ALG6: variants seen among roughly 807,000 people sequenced by gnomAD.
ALG6 encodes ALG6 alpha-1,3-glucosyltransferase.
In ALG6, 46 loss-of-function variants were observed where a neutral mutation model predicts 66.6. The ratio of observed to expected loss-of-function variants is 0.69; its 90% confidence interval spans 0.55 to 0.88. The LOEUF (loss-of-function observed/expected upper bound fraction) is 0.88, where lower values mean the gene tolerates loss of function less well. ALG6 is among the 40% of genes least tolerant of loss of function. The pLI, the probability that ALG6 is intolerant of heterozygous loss-of-function variation, is 0.00. For synonymous variants in ALG6, 185 were observed against 203.7 expected (o/e 0.91, Z 0.78); for missense variants, 505 against 586.8 (o/e 0.86, Z 1.44).
intron 2 of ALG6, among the ~76,000 whole-genome samples, chr1:63,379,768 A>G (rs1181309706): frequency 2.0e-5 from 3 of 149,264 alleles, no homozygotes; most frequent in East Asian, 3.9e-4. Context: ...TAAATCATAC[A>G]TTATATATAA....
At chr1:63,396,971 A>G (rs1325054559) in intron 3 of ALG6, among the ~76,000 whole-genome samples, 2 of 152,164 alleles carry the variant, frequency 1.3e-5, no homozygotes. Context: ...AGATAAAAAT[A>G]AAAGAGAGCT....
intron 3 of ALG6, among the ~76,000 whole-genome samples, chr1:63,398,559 G>A (rs1222025105): frequency 6.6e-6 from 1 of 152,004 alleles, no homozygotes; most frequent in Non-Finnish European, 1.5e-5. Flanking sequence ...TGCAAGCTCC[G>A]CCTCCCAGGT....
intron 4 of ALG6, 115 bp downstream of exon 4, chr1:63,402,458 G>GTA (rs1644469565): frequency 2.9e-6 from 1 of 340,010 alleles, no homozygotes; most frequent in East Asian, 5.9e-5. Flanking sequence ...AGCTGCTATT[G>GTA]TATTTTTTTT....
intron 2 of ALG6, among the ~76,000 whole-genome samples, chr1:63,388,895 A>C (rs966788325): frequency 6.6e-6 from 1 of 151,934 alleles, no homozygotes; most frequent in African/African-American, 2.4e-5. Context: ...ATGTTGTGCC[A>C]TTCTCTTCTG....
rs1322449145 is a variant in ALG6, at chr1:63,422,424, T to A, written c.1058+2984T>A. ...ATCTATATAAATATAAATATATATA[T>A]AAATATAAATATATATATAAATATA... On this transcript the variant is annotated intron_variant, in intron 12 of 14. Transcript: ENST00000263440. Among the ~76,000 whole-genome samples the A allele has an allele frequency of 2.8e-4, 10 of 35,294 alleles. 1 individual carries two copies. The highest frequency in any genetic ancestry group is 2.0e-4 in the African/African-American group (1 of 4,914). 23.2% of individuals were successfully genotyped at this position (35,294 alleles called of 152,430 possible). A position where few individuals can be genotyped will look rare whatever the true frequency, so the allele number is the denominator to read the frequency against.
chr1:63,404,227 T>C (rs1644479564), intron 4 of ALG6, among the ~76,000 whole-genome samples: 1 of 152,238 alleles, frequency 6.6e-6, no homozygotes, highest in African/African-American at 2.4e-5. Context: ...CTTGTAGTTA[T>C]ACCTTACATA....
intron 2 of ALG6, among the ~76,000 whole-genome samples, chr1:63,376,462 A>T (rs1355955762): frequency 6.6e-6 from 1 of 152,106 alleles, no homozygotes; most frequent in Non-Finnish European, 1.5e-5. Context: ...ACTAAATTGG[A>T]TGCTTTAGCT....
intron 4 of ALG6, among the ~76,000 whole-genome samples, chr1:63,403,034 G>T (rs545782102): frequency 2.2e-5 from 3 of 135,420 alleles, no homozygotes; most frequent in Non-Finnish European, 3.0e-5. Flanking sequence ...GGTGGAGGTT[G>T]CAGTGAGCCG....
chr1:63,422,255 T>TTATATAGATATAAATATA (rs1644584624), intron 12 of ALG6, among the ~76,000 whole-genome samples: 2 of 60,922 alleles, frequency 3.3e-5, no homozygotes, highest in South Asian at 9.9e-4. Flanking sequence ...ATATATATAT[T>TTATATAGATATAAATATA]TATATAGATA....
intron 2 of ALG6, among the ~76,000 whole-genome samples, chr1:63,389,400 A>AT (rs1318563940): frequency 2.6e-5 from 4 of 152,104 alleles, no homozygotes; most frequent in Admixed American, 2.6e-4. Context: ...TGTCAATTGA[A>AT]TTTTTTAGCA....
chr1:63,428,839 T>A, intron 13 of ALG6, 38 bp downstream of exon 13: 3 of 1,584,620 alleles, frequency 1.9e-6, no homozygotes, highest in Non-Finnish European at 2.6e-6. Context: ...TCAGTATAAT[T>A]CTTGTAAACT....
At chr1:63,397,985 A>G (rs1046166591) in intron 3 of ALG6, among the ~76,000 whole-genome samples, 3 of 152,240 alleles carry the variant, frequency 2.0e-5, no homozygotes, top group African/African-American at 7.2e-5. Flanking sequence ...ATAGCATCAT[A>G]GAAATTCATG....
In ALG6 at chr1:63,428,505, G is replaced by A. The variant is rs1644628904; in HGVS notation, c.1059-228G>A. The A allele has an allele frequency of 8.1e-6, 3 of 370,874 alleles. No homozygotes were observed. The South Asian group carries it at 2.1e-4, about 26-fold the overall frequency. 23.0% of individuals were successfully genotyped at this position (370,874 alleles called of 1,614,324 possible). Reference sequence around the variant, plus strand: ...AAGTTCCATTAACGGCATACTGGAAGCAGCAGTTTTCCAATTATTATGAGG... The same window carrying A: ...AAGTTCCATTAACGGCATACTGGAAACAGCAGTTTTCCAATTATTATGAGG... On this transcript the variant is annotated intron_variant, in intron 12 of 14. Transcript: ENST00000263440.
chr1:63,401,266 A>G (rs1451551821), intron 3 of ALG6, among the ~76,000 whole-genome samples: 2 of 152,188 alleles, frequency 1.3e-5, no homozygotes, highest in Non-Finnish European at 2.9e-5. Context: ...GACCTTCCGA[A>G]GATGATTAAT....
At chr1:63,386,350 TTCTC>T (rs1233591109) in intron 2 of ALG6, among the ~76,000 whole-genome samples, 1 of 152,130 alleles carries the variant, frequency 6.6e-6, no homozygotes, top group Admixed American at 6.6e-5. Flanking sequence ...TTTGGAAGTA[TTCTC>T]TCTATTTTTT....
intron 1 of ALG6, among the ~76,000 whole-genome samples, chr1:63,368,875 A>G (rs1037948652): frequency 3.9e-5 from 6 of 152,166 alleles, no homozygotes; most frequent in Admixed American, 2.6e-4. Flanking sequence ...TAACTTGTTA[A>G]TTTATCCTAA....
chr1:63,372,965 C>T (rs888138446), intron 2 of ALG6, among the ~76,000 whole-genome samples: 16 of 150,662 alleles, frequency 1.1e-4, no homozygotes, highest in Admixed American at 1.1e-3. Context: ...GCCTGTAGCT[C>T]TTACATATAG....
At chr1:63,436,382 C>G (rs544439835) in intron 14 of ALG6, among the ~76,000 whole-genome samples, 12 of 152,210 alleles carry the variant, frequency 7.9e-5, no homozygotes, top group African/African-American at 2.9e-4. Flanking sequence ...CTGCCAAACA[C>G]TAGGTTTTAT....
At chr1:63,404,630 C>T (rs1644481775) in intron 5 of ALG6, 89 bp downstream of exon 5, 1 of 1,078,338 alleles carries the variant, frequency 9.3e-7, no homozygotes, top group Admixed American at 1.9e-5. Flanking sequence ...TTCTTACTGA[C>T]TTTAAAATTG....
Sources: gnomAD v4.1 joint callset for allele counts (sites outside exome capture counted in the v4.1 genomes callset) on GRCh38, gnomAD v4.1.1 for gene constraint, MANE v1.5 for transcripts, NCBI Gene and HGNC (gene_info 2026-07-23, HGNC 2026-07-21) for gene names.